Variants in TMTC2 observed in about 807,000 individuals in gnomAD.
TMTC2 encodes the protein protein O-mannosyl-transferase TMTC2.
TMTC2 carries 43 observed loss-of-function variants against 82.4 expected under a neutral mutation model. The ratio of observed to expected loss-of-function variants is 0.52; its 90% CI spans 0.41 to 0.67. The LOEUF (loss-of-function observed/expected upper bound fraction) is 0.67, where lower values mean the gene tolerates loss of function less well. Among genes scored for constraint, TMTC2 ranks in the 30% least tolerant of loss-of-function variants. The pLI, the probability that TMTC2 is intolerant of heterozygous loss-of-function variation, is 0.00. For synonymous variants in TMTC2, 408 were observed against 381.9 expected (o/e 1.07, Z -0.80); for missense variants, 919 against 1,012.4 (o/e 0.91, Z 1.25).
chr12:82,747,342 G>T (rs1431931144), intron 1 of TMTC2, among the ~76,000 whole-genome samples: 1 of 152,190 alleles, frequency 6.6e-6, no homozygotes, highest in East Asian at 1.9e-4. Context: ...AGAAGTTAAG[G>T]TTTTATCCAA....
intron 2 of TMTC2, among the ~76,000 whole-genome samples, chr12:82,876,054 G>GTGGTGGTGGTGGTGGTGGTGATGGTGA (rs1872504447): frequency 7.4e-6 from 1 of 135,998 alleles, no homozygotes; most frequent in African/African-American, 2.9e-5. Context: ...GGTGGTGGTG[G>GTGGTGGTGGTGGTGGTGGTGATGGTGA]TGGTGGTGGT....
At chr12:82,938,471 T>C (rs1876532253) in intron 4 of TMTC2, among the ~76,000 whole-genome samples, 1 of 152,072 alleles carries the variant, frequency 6.6e-6, no homozygotes, top group Admixed American at 6.6e-5. Flanking sequence ...GGGACGTGTT[T>C]AGTTGATGCC....
At chr12:82,963,808 T>C (rs1379385641) in intron 4 of TMTC2, among the ~76,000 whole-genome samples, 881 of 66,032 alleles carry the variant, frequency 0.013, 116 homozygotes, top group Middle Eastern at 0.041. Context: ...TATATATATA[T>C]ATATATATAT....
chr12:82,932,404 C>A (rs1263644168), intron 4 of TMTC2, among the ~76,000 whole-genome samples: 3 of 152,138 alleles, frequency 2.0e-5, no homozygotes, highest in African/African-American at 7.2e-5. Context: ...GCACACTGTT[C>A]CTTCTACTTA....
At chr12:82,855,426 G>T (rs548785284) in intron 1 of TMTC2, among the ~76,000 whole-genome samples, 2 of 152,306 alleles carry the variant, frequency 1.3e-5, no homozygotes, top group South Asian at 4.1e-4. Flanking sequence ...GGCAGAACTG[G>T]TGGAGGGCCT....
intron 1 of TMTC2, among the ~76,000 whole-genome samples, chr12:82,802,812 G>A (rs1418757234): frequency 6.6e-6 from 1 of 152,086 alleles, no homozygotes; most frequent in East Asian, 1.9e-4. Flanking sequence ...TAGAAAATTA[G>A]GAGTAACTCC....
intron 7 of TMTC2, among the ~76,000 whole-genome samples, chr12:82,971,259 A>G (rs1334250446): frequency 6.6e-6 from 1 of 152,044 alleles, no homozygotes; most frequent in Non-Finnish European, 1.5e-5. Flanking sequence ...CTTCTGTGTT[A>G]CCTAAACTAT....
At chr12:82,697,679 T>G (rs1872876673) in intron 1 of TMTC2, among the ~76,000 whole-genome samples, 1 of 152,244 alleles carries the variant, frequency 6.6e-6, no homozygotes, top group African/African-American at 2.4e-5. Context: ...ATTTAAATAA[T>G]CTGTCACCAT....
At chr12:82,920,907 G>T (rs985128676) in intron 3 of TMTC2, among the ~76,000 whole-genome samples, 1 of 152,098 alleles carries the variant, frequency 6.6e-6, no homozygotes, top group Non-Finnish European at 1.5e-5. Context: ...ACAACCATTT[G>T]TTTACGTAGG....
chr12:82,968,965 T>G (rs1368501157), intron 7 of TMTC2, among the ~76,000 whole-genome samples: 1 of 152,190 alleles, frequency 6.6e-6, no homozygotes, highest in East Asian at 1.9e-4. Context: ...TTCTATTTAA[T>G]TTTATGTGAA....
chr12:83,123,457 A>C (rs777816144), intron 11 of TMTC2, among the ~76,000 whole-genome samples: 16 of 152,228 alleles, frequency 1.1e-4, no homozygotes, highest in Non-Finnish European at 1.9e-4. Context: ...ATTTATTCAA[A>C]ATATGACTGT....
At chr12:83,099,406 A>G (rs1215014648) in intron 11 of TMTC2, among the ~76,000 whole-genome samples, 1 of 152,102 alleles carries the variant, frequency 6.6e-6, no homozygotes, top group Non-Finnish European at 1.5e-5. Context: ...CTGTCTCCTC[A>G]CTTTGCATTT....
At chr12:82,769,303 G>T (rs977897690) in intron 1 of TMTC2, among the ~76,000 whole-genome samples, 6 of 151,422 alleles carry the variant, frequency 4.0e-5, no homozygotes, top group Non-Finnish European at 2.9e-5. Context: ...TGAAACCCCT[G>T]TCTCTACTAA....
intron 4 of TMTC2, among the ~76,000 whole-genome samples, chr12:82,951,331 G>A (rs917081868): frequency 8.6e-5 from 13 of 151,472 alleles, no homozygotes; most frequent in South Asian, 2.1e-4. Context: ...TCGCTCTGTC[G>A]CTAGGCTGGA....
At position 83,134,766 on chromosome 12, in the gene TMTC2, A is replaced by G. The variant is rs1055592371; in HGVS notation, c.*2377A>G. The G allele has an allele frequency of 6.6e-6, 1 of 152,250 alleles. No individual in the cohort carries two copies. The highest frequency in any genetic ancestry group is 2.4e-5 in the African/African-American group (1 of 41,468). The allele number at this position is 152,250 out of a possible 1,614,324, so 9.4% of individuals were successfully genotyped here. ...TATTTTTTGAGAAACTGTTATTTGT[A>G]TAAATTATCAAGATTTGTAGGCTTT... On this transcript the variant is annotated 3_prime_UTR_variant, in exon 12 of 12. Transcript: ENST00000321196.
In TMTC2 at chr12:83,134,809, T is replaced by G. The variant is rs1322555015; in HGVS notation, c.*2420T>G. The G allele has an allele frequency of 6.6e-6, 1 of 152,202 alleles. No homozygotes were observed. The highest frequency in any genetic ancestry group is 6.5e-5 in the Admixed American group (1 of 15,272). 9.4% of individuals were successfully genotyped at this position (152,202 alleles called of 1,614,324 possible). A position where few individuals can be genotyped will look rare whatever the true frequency, so the allele number is the denominator to read the frequency against. On this transcript the variant is annotated 3_prime_UTR_variant, in exon 12 of 12. Transcript: ENST00000321196. ...TAGGCTTTCCTTTTGTAGAAATAATTGTTTTATGTGCCAGAGAATTTCAAT... is the reference window on the plus strand; with the variant it reads ...TAGGCTTTCCTTTTGTAGAAATAATGGTTTTATGTGCCAGAGAATTTCAAT...
chr12:82,910,453 G>T (rs1007541351), intron 3 of TMTC2, among the ~76,000 whole-genome samples: 7 of 152,176 alleles, frequency 4.6e-5, no homozygotes, highest in African/African-American at 1.7e-4. Context: ...GCCCCAGTGG[G>T]CATGTTACAG....
intron 1 of TMTC2, among the ~76,000 whole-genome samples, chr12:82,719,845 A>G (rs962522241): frequency 1.3e-5 from 2 of 152,294 alleles, no homozygotes; most frequent in Admixed American, 6.5e-5. Context: ...TGTTTTCTGT[A>G]TGCTACGAGA....
intron 8 of TMTC2, among the ~76,000 whole-genome samples, chr12:83,011,157 A>C (rs1382052266): frequency 6.6e-6 from 1 of 152,204 alleles, no homozygotes; most frequent in African/African-American, 2.4e-5. Context: ...ATATTTCAAA[A>C]GTATAGAATT....
Sources: gnomAD v4.1 joint callset for allele counts (sites outside exome capture counted in the v4.1 genomes callset) on GRCh38, gnomAD v4.1.1 for gene constraint, MANE v1.5 for transcripts, NCBI Gene and HGNC (gene_info 2026-07-23, HGNC 2026-07-21) for gene names.